The following KIN variants were observed in gnomAD, a reference collection of about 807,000 sequenced individuals.
KIN encodes Kin17 DNA and RNA binding protein.
Under a neutral mutation model 63.0 loss-of-function variants are expected in KIN, and 47 were observed. That is an observed-to-expected ratio of 0.75 (90% CI 0.59 to 0.95). The LOEUF (loss-of-function observed/expected upper bound fraction) is 0.95. Ranked by LOEUF, KIN falls within the 40% of genes least tolerant of loss-of-function variation. The probability of loss-of-function intolerance (pLI) is 0.00; values close to 1 mark genes in which losing one functional copy is unlikely to be tolerated. For missense variants in KIN, 408 were observed against 460.9 expected, an observed-to-expected ratio of 0.89 and a Z score of 1.05; for synonymous variants, 160 against 157.7, an observed-to-expected ratio of 1.01 and a Z score of -0.11.
rs761907223 is a variant in KIN at position 7,769,343 on chromosome 10, G to A, written c.671C>T (p.Thr224Ile). 4 of 1,611,316 alleles carry A rather than the reference G, an allele frequency of 2.5e-6. No individual in the cohort carries two copies. The highest frequency in any genetic ancestry group is 1.7e-4 in the Middle Eastern group (1 of 6,054). Residue 224 changes from threonine (T) to isoleucine (I), a missense_variant and splice_region_variant, in exon 8 of 13, where the codon ACT becomes ATT. Physicochemically the swap from Thr to Ile is moderately conservative, Grantham distance 89. Coordinates refer to ENST00000379562, the MANE Select transcript of KIN (RefSeq NM_012311.4). ...SSGATSSKSS[T>I]LGPSALKTIG... ...CGTCTTCAGTGCACTCGGTCCCAGA[G>A]TACTGATGAACAGGAGAACCATGCT...
At chr10:7,777,727 G>A (rs1335093681) in intron 5 of KIN, among the ~76,000 whole-genome samples, 8 of 152,008 alleles carry the variant, frequency 5.3e-5, no homozygotes, top group South Asian at 2.1e-4. Flanking sequence ...GTGAAACCCC[G>A]TCTCTACTAA....
intron 1 of KIN, among the ~76,000 whole-genome samples, chr10:7,784,481 G>C (rs1835958943): frequency 6.6e-6 from 1 of 152,172 alleles, no homozygotes; most frequent in Non-Finnish European, 1.5e-5. Flanking sequence ...CCAGCTACTT[G>C]AGAGGCTGAG....
At chr10:7,779,598 AT>A (rs1835855881) in intron 4 of KIN, among the ~76,000 whole-genome samples, 1 of 152,164 alleles carries the variant, frequency 6.6e-6, no homozygotes, top group African/African-American at 2.4e-5. Flanking sequence ...ATGCACAGAC[AT>A]TTTTTCCTTC....
rs1363614650 is a variant in KIN, at chr10:7,759,919, T to G, written c.1090A>C (p.Thr364Pro). The G allele has an allele frequency of 6.4e-7, 1 of 1,567,270 alleles. No individual in the cohort carries two copies. Among genetic ancestry groups the G allele is most frequent in the South Asian group, 1.2e-5 (1 of 85,438 alleles). ...TCAATGACGATAGTAGCTGAAAAAG[T>G]CTTCTCATTGATGGATTCTAGGGTA... is the stretch of plus-strand genomic sequence containing the variant. ...EGTLESINEK[T>P]FSATIVIETG... The change falls in exon 12 of 13, where the codon ACT becomes CCT. Residue 364 changes from threonine to proline, a missense_variant. Transcript: ENST00000379562.
intron 9 of KIN, among the ~76,000 whole-genome samples, chr10:7,764,314 A>G (rs1470124471): frequency 6.6e-6 from 1 of 152,198 alleles, no homozygotes; most frequent in Non-Finnish European, 1.5e-5. Context: ...TCCAGATTAG[A>G]TATAGCTAAA....
At chr10:7,786,025 A>G (rs1335765748) in intron 1 of KIN, among the ~76,000 whole-genome samples, 1 of 152,218 alleles carries the variant, frequency 6.6e-6, no homozygotes, top group Non-Finnish European at 1.5e-5. Context: ...CAACACCAAG[A>G]GTGAACCCTA....
chr10:7,763,545 A>G (rs138046658), intron 10 of KIN, among the ~76,000 whole-genome samples, 178 bp downstream of exon 10: 1 of 152,352 alleles, frequency 6.6e-6, no homozygotes, highest in Non-Finnish European at 1.5e-5. Flanking sequence ...GAAACTATGG[A>G]TGAAAAAGAA....
At chr10:7,777,824 A>T (rs1042381362) in intron 5 of KIN, among the ~76,000 whole-genome samples, 5 of 151,136 alleles carry the variant, frequency 3.3e-5, no homozygotes, top group African/African-American at 9.8e-5. Context: ...GCTTGAACCC[A>T]GGAGGCGGGG....
chr10:7,751,975 C>T lies in KIN; in HGVS notation c.*4105G>A, dbSNP rs1588465168. 3.3e-4 allele frequency: 1 copy of T among 3,028 alleles called. No individual in the cohort carries two copies. Among genetic ancestry groups the T allele is most frequent in the African/African-American group, 1.5e-3 (1 of 682 alleles). The allele number at this position is 3,028 out of a possible 1,614,324, so 0.2% of individuals were successfully genotyped here. The stretch of plus-strand genomic sequence containing the variant: ...GCGTGAACCCGGGAAGCGGAGCTTG[C>T]AGTGAGCCGAGATTGCGCCACTGCA... On this transcript the variant is annotated 3_prime_UTR_variant, in exon 13 of 13. Transcript: ENST00000379562.
At chr10:7,760,423 A>G (rs1835416321) in intron 11 of KIN, among the ~76,000 whole-genome samples, 2 of 152,138 alleles carry the variant, frequency 1.3e-5, no homozygotes, top group African/African-American at 2.4e-5. Context: ...GAAAAAAGAA[A>G]CCAGATATCC....
chr10:7,784,351 G>A (rs187507547), intron 1 of KIN, among the ~76,000 whole-genome samples: 174 of 152,302 alleles, frequency 1.1e-3, no homozygotes, highest in East Asian at 6.9e-3. Flanking sequence ...GGGAGGCCAA[G>A]GCAGGAGGAT....
At chr10:7,771,759 G>C (rs746479767) in intron 7 of KIN, among the ~76,000 whole-genome samples, 5 of 152,006 alleles carry the variant, frequency 3.3e-5, no homozygotes, top group Admixed American at 6.6e-5. Context: ...GCCGAGCATG[G>C]TGGTGCATGC....
Position 7,777,053 on chromosome 10 carries a change from CAAAAAAAAAAAAA to C in KIN, c.559-1267_559-1255del, listed in dbSNP as rs60757813. ...CTGGTGACAGAGAGAGACAGTCTCT[CAAAAAAAAAAAAA>C]AAAAAAAAAAATAGAACTTACATGC... On this transcript the variant is annotated intron_variant, in intron 5 of 12. Transcript: ENST00000379562. Among the ~76,000 whole-genome samples, 2,505 of 80,912 alleles carry C rather than the reference CAAAAAAAAAAAAA, an allele frequency of 0.031. 196 individuals carry two copies. The East Asian group carries it at 0.31, about 10-fold the overall frequency. 53.1% of individuals were successfully genotyped at this position (80,912 alleles called of 152,430 possible).
At position 7,769,221 on chromosome 10, in the gene KIN, T is replaced by C. The variant is rs200953489; in HGVS notation, c.793A>G (p.Met265Val). ...ACGCAATCCATAAACTGTACCTCCATGATTTCATCCAGTGCAGATTTCTTT... is the reference window on the plus strand; with the variant it reads ...ACGCAATCCATAAACTGTACCTCCACGATTTCATCCAGTGCAGATTTCTTT... Reference protein sequence around the residue: ...KKKKSALDEIMEIEEEKKRTA... With the variant: ...KKKKSALDEIVEIEEEKKRTA... Residue 265 changes from methionine (M) to valine (V), a missense_variant, in exon 8 of 13, where the codon ATG (methionine) becomes GTG (valine). Physicochemically the swap from Met to Val is conservative, Grantham distance 21. Transcript: ENST00000379562. 1 of 1,610,554 alleles carries C rather than the reference T, an allele frequency of 6.2e-7. No homozygotes were observed. The highest frequency in any genetic ancestry group is 8.5e-7 in the Non-Finnish European group (1 of 1,179,106).
In KIN at chr10:7,774,943, A is replaced by G. The variant is rs766737674; in HGVS notation, c.608-52T>C. 5 of 1,326,154 alleles carry G rather than the reference A, an allele frequency of 3.8e-6. No homozygotes were observed. The South Asian group carries it at 5.9e-5, about 16-fold the overall frequency. 82.1% of individuals were successfully genotyped at this position (1,326,154 alleles called of 1,614,324 possible). ...CATACATTTCAAGAAAATCATAATA[A>G]AACTTCTCAGATAAGATACTACAAA... On this transcript the variant is annotated intron_variant, in intron 6 of 12. Coordinates refer to ENST00000379562, the MANE Select transcript of KIN (RefSeq NM_012311.4).
rs544798968 is a variant in KIN at position 7,772,995 on chromosome 10, T to C, written c.668+1836A>G. 2.4e-4 allele frequency among the ~76,000 whole-genome samples: 36 copies of C among 152,296 alleles called. 1 individual carries two copies. Among genetic ancestry groups the C allele is most frequent in the Admixed American group, 7.8e-4 (12 of 15,292 alleles). Reference sequence around the variant, plus strand: ...GGACCCTAACTACAATCATCCCTTTTCTTGTAAGAGCAAGGTGGAGGGAGA... The same window carrying C: ...GGACCCTAACTACAATCATCCCTTTCCTTGTAAGAGCAAGGTGGAGGGAGA... On this transcript the variant is annotated intron_variant, in intron 7 of 12. Transcript: ENST00000379562.
intron 11 of KIN, among the ~76,000 whole-genome samples, chr10:7,760,920 T>C (rs1835424634): frequency 6.6e-6 from 1 of 152,108 alleles, no homozygotes; most frequent in Admixed American, 6.6e-5. Context: ...ACCACATAGG[T>C]GAATCCAAAA....
At chr10:7,762,405 G>C in intron 11 of KIN, 52 bp downstream of exon 11, 1 of 1,027,438 alleles carries the variant, frequency 9.7e-7, no homozygotes, top group Non-Finnish European at 1.5e-6. Flanking sequence ...TTTGAAAATG[G>C]AACCGCTCAT....
At chr10:7,757,943 T>G (rs1588468973) in intron 12 of KIN, among the ~76,000 whole-genome samples, 1 of 151,386 alleles carries the variant, frequency 6.6e-6, no homozygotes, top group East Asian at 1.9e-4. Flanking sequence ...CATGAAAACT[T>G]AAGGTGCCAG....
Sources: gnomAD v4.1 joint callset for allele counts (sites outside exome capture counted in the v4.1 genomes callset) on GRCh38, gnomAD v4.1.1 for gene constraint, MANE v1.5 for transcripts, NCBI Gene and HGNC (gene_info 2026-07-23, HGNC 2026-07-21) for gene names.